The following DZIP3 variants were observed in gnomAD, a reference collection of about 807,000 sequenced individuals.
DZIP3 encodes E3 ubiquitin-protein ligase DZIP3.
A neutral mutation model predicts 162.0 loss-of-function variants in DZIP3; 118 were observed. The observed-to-expected ratio is 0.73, with a 90% CI of 0.63 to 0.85. The LOEUF (loss-of-function observed/expected upper bound fraction) is 0.85. Ranked by LOEUF, DZIP3 falls within the 40% of genes least tolerant of loss-of-function variation. The pLI is 0.00. For missense variants in DZIP3, 1,331 were observed against 1,407.0 expected (o/e 0.95, Z 0.86); for synonymous variants, 438 against 458.6 (o/e 0.96, Z 0.57).
intron 19 of DZIP3, among the ~76,000 whole-genome samples, chr3:108,654,822 T>C (rs978493600): frequency 4.6e-5 from 7 of 152,154 alleles, no homozygotes; most frequent in Non-Finnish European, 1.0e-4. Context: ...CATGTGAACA[T>C]GATTTAAGTG....
intron 22 of DZIP3, among the ~76,000 whole-genome samples, chr3:108,671,196 T>C (rs1943914193): frequency 6.6e-6 from 1 of 151,902 alleles, no homozygotes; most frequent in African/African-American, 2.4e-5. Context: ...TAATTCCTTT[T>C]GTGTTAATAT....
chr3:108,631,055 A>ATACACTCTCTCTCTCT (rs1553705360), intron 8 of DZIP3, among the ~76,000 whole-genome samples: 10 of 18,008 alleles, frequency 5.6e-4, no homozygotes, highest in African/African-American at 2.5e-3. Flanking sequence ...ACACACACAC[A>ATACACTCTCTCTCTCT]CTCTCTCTCT....
intron 3 of DZIP3, among the ~76,000 whole-genome samples, chr3:108,608,791 A>T (rs944385340): frequency 3.9e-5 from 6 of 152,232 alleles, no homozygotes; most frequent in Non-Finnish European, 7.3e-5. Flanking sequence ...ACATAGTTTT[A>T]TATAATGATT....
chr3:108,614,536 GC>G (rs965316629), intron 4 of DZIP3, among the ~76,000 whole-genome samples: 1 of 151,996 alleles, frequency 6.6e-6, no homozygotes, highest in Non-Finnish European at 1.5e-5. Context: ...TTCTGTCATT[GC>G]CCCCCCATAC....
intron 4 of DZIP3, among the ~76,000 whole-genome samples, chr3:108,616,024 G>A (rs781505779): frequency 6.6e-6 from 1 of 152,112 alleles, no homozygotes; most frequent in Non-Finnish European, 1.5e-5. Flanking sequence ...CAGCACTTTA[G>A]GAGGCCAAGG....
chr3:108,687,946 CT>C (rs1481252984), intron 28 of DZIP3, 29 bp from the exon 29 acceptor site: 2 of 1,612,644 alleles, frequency 1.2e-6, no homozygotes, highest in African/African-American at 2.7e-5. Flanking sequence ...AAAATCATTA[CT>C]GCCCTTTCCT....
intron 26 of DZIP3, among the ~76,000 whole-genome samples, chr3:108,683,364 A>G (rs1382991151): frequency 2.0e-5 from 3 of 152,168 alleles, no homozygotes; most frequent in Non-Finnish European, 4.4e-5. Context: ...AGTCCAGTCT[A>G]TCCATTGTAA....
At chr3:108,636,487 G>A in intron 10 of DZIP3, 129 bp from the exon 11 acceptor site, 1 of 537,144 alleles carries the variant, frequency 1.9e-6, no homozygotes, top group South Asian at 3.1e-5. Flanking sequence ...ACAGCTACAT[G>A]TCAAATATTC....
At position 108,648,938 on chromosome 3, in the gene DZIP3, A is replaced by G; in HGVS notation, c.1983A>G (p.Lys661=). 8.6e-7 allele frequency: 1 copy of G among 1,167,038 alleles called. No homozygotes were observed. The highest frequency in any genetic ancestry group is 1.1e-6 in the Non-Finnish European group (1 of 879,714). The allele number at this position is 1,167,038 out of a possible 1,614,324, so 72.3% of individuals were successfully genotyped here. Residue 661 remains lysine, a synonymous_variant, in exon 17 of 33, where the codon AAA becomes AAG. Transcript: ENST00000361582. ...DLQEVKSKQR[K]KKKTKNKKNK... The stretch of plus-strand genomic sequence containing the variant: ...ACTAGGTTAAGAGTAAACAAAGGAA[A>G]AAGAAGAAGACTAAGAATAAAAAGG...
At chr3:108,645,299 C>T (rs986633522) in intron 14 of DZIP3, among the ~76,000 whole-genome samples, 3 of 152,070 alleles carry the variant, frequency 2.0e-5, no homozygotes, top group African/African-American at 7.2e-5. Context: ...AGTTTAAAAC[C>T]ATGACATGTA....
rs200974372 is a variant in DZIP3 at position 108,624,509 on chromosome 3, A to G, written c.441A>G (p.Glu147=). Residue 147 remains glutamate (E), a synonymous_variant, in exon 6 of 33, where the codon GAA becomes GAG. Transcript: ENST00000361582. ...LLFLYGVALT[E]RGKKEDYTEA... ...TTTTATATGGAGTAGCACTCACTGAAAGAGGAAAGAAAGAGGTATGTAACA... is the reference window on the plus strand; with the variant it reads ...TTTTATATGGAGTAGCACTCACTGAGAGAGGAAAGAAAGAGGTATGTAACA... 5.7e-6 allele frequency: 9 copies of G among 1,574,466 alleles called. No homozygotes were observed. Among genetic ancestry groups the G allele is most frequent in the Non-Finnish European group, 6.9e-6 (8 of 1,153,566 alleles).
At chr3:108,688,354 G>A (rs934405962) in intron 29 of DZIP3, among the ~76,000 whole-genome samples, 3 of 151,956 alleles carry the variant, frequency 2.0e-5, no homozygotes, top group Admixed American at 1.3e-4. Flanking sequence ...GTCTAAAGAG[G>A]GAGAGATTTT....
intron 1 of DZIP3, among the ~76,000 whole-genome samples, chr3:108,597,987 G>T (rs12488177): frequency 6.6e-6 from 1 of 152,078 alleles, no homozygotes; most frequent in Non-Finnish European, 1.5e-5. Context: ...GTTTATTTCA[G>T]TACCATGTAT....
chr3:108,652,573 A>G (rs1369352196), intron 18 of DZIP3, among the ~76,000 whole-genome samples: 2 of 151,722 alleles, frequency 1.3e-5, no homozygotes, highest in East Asian at 1.9e-4. Flanking sequence ...TTGTAGTGCT[A>G]TTACTTTACT....
At chr3:108,637,697 CCTCT>C (rs1340653115) in intron 12 of DZIP3, 149 bp downstream of exon 12, 1 of 553,422 alleles carries the variant, frequency 1.8e-6, no homozygotes, top group Non-Finnish European at 3.1e-6. Flanking sequence ...CATTTCTTTC[CCTCT>C]CTATCACCAC....
At chr3:108,654,782 C>A (rs1943033921) in intron 19 of DZIP3, among the ~76,000 whole-genome samples, 2 of 151,802 alleles carry the variant, frequency 1.3e-5, no homozygotes, top group Non-Finnish European at 1.5e-5. Context: ...GTTGTCACTG[C>A]TTGGAATGAT....
intron 25 of DZIP3, among the ~76,000 whole-genome samples, chr3:108,676,222 G>C (rs1462718543): frequency 6.6e-6 from 1 of 152,098 alleles, no homozygotes; most frequent in Non-Finnish European, 1.5e-5. Flanking sequence ...GCCAAGGCGA[G>C]AGGATCACTT....
chr3:108,644,864 G>T, intron 14 of DZIP3, 83 bp downstream of exon 14: 1 of 1,284,084 alleles, frequency 7.8e-7, no homozygotes. Flanking sequence ...CAAAGGGCAA[G>T]AGATTCAGTG....
intron 7 of DZIP3, 68 bp downstream of exon 7, chr3:108,626,037 T>C: frequency 6.5e-7 from 1 of 1,543,556 alleles, no homozygotes; most frequent in African/African-American, 1.4e-5. Context: ...GAAGTAAGTG[T>C]GCACAGTATA....
Sources: allele counts gnomAD v4.1 joint callset (sites outside exome capture counted in the v4.1 genomes callset), GRCh38; gene constraint gnomAD v4.1.1; transcripts MANE v1.5; gene names NCBI Gene and HGNC (gene_info 2026-07-23, HGNC 2026-07-21).